The following PTPRM variants were observed in gnomAD, a reference collection of about 807,000 sequenced individuals.
PTPRM encodes the protein protein tyrosine phosphatase receptor type M, also known as receptor-type tyrosine-protein phosphatase mu.
Under a neutral mutation model 186.7 loss-of-function variants are expected in PTPRM, and 47 were observed. The ratio of observed to expected loss-of-function variants is 0.25; its 90% confidence interval spans 0.20 to 0.32. The LOEUF (loss-of-function observed/expected upper bound fraction) is 0.32, where lower values mean the gene tolerates loss of function less well. PTPRM is among the 10% of genes least tolerant of loss of function. The pLI, the probability that PTPRM is intolerant of heterozygous loss-of-function variation, is 1.00. For missense variants in PTPRM, 1,494 were observed against 1,865.0 expected (o/e 0.80, Z 3.66); for synonymous variants, 668 against 674.9 (o/e 0.99, Z 0.16).
At chr18:7,632,287 A>G (rs1303616473) in intron 1 of PTPRM, among the ~76,000 whole-genome samples, 1 of 152,202 alleles carries the variant, frequency 6.6e-6, no homozygotes, top group African/African-American at 2.4e-5. Flanking sequence ...TAGACATTTT[A>G]TATGTAAAGA....
intron 8 of PTPRM, among the ~76,000 whole-genome samples, chr18:8,070,340 G>A (rs899229356): frequency 2.0e-5 from 3 of 151,756 alleles, no homozygotes; most frequent in East Asian, 3.9e-4. Context: ...TGTTGTTTTG[G>A]GTATTAGATT....
At chr18:8,319,125 C>T (rs1295689581) in intron 21 of PTPRM, 53 bp from the exon 22 acceptor site, 4 of 1,227,346 alleles carry the variant, frequency 3.3e-6, no homozygotes, top group Non-Finnish European at 4.7e-6. Flanking sequence ...TGCGACTTAT[C>T]TGCTGTTTAT....
intron 2 of PTPRM, among the ~76,000 whole-genome samples, chr18:7,887,765 A>G (rs1267485805): frequency 6.6e-6 from 1 of 152,192 alleles, no homozygotes; most frequent in Non-Finnish European, 1.5e-5. Context: ...CATTTTAAAT[A>G]TGGAATTTTA....
intron 4 of PTPRM, among the ~76,000 whole-genome samples, chr18:7,907,752 A>ATGTGTGTGTGTG (rs112103046): frequency 6.7e-6 from 1 of 149,668 alleles, no homozygotes; most frequent in African/African-American, 2.4e-5. Flanking sequence ...AACACCGCAA[A>ATGTGTGTGTGTG]TGTGTGTGTG....
chr18:7,906,171 C>T (rs780354457), intron 3 of PTPRM, among the ~76,000 whole-genome samples: 17 of 152,124 alleles, frequency 1.1e-4, no homozygotes, highest in South Asian at 2.1e-4. Flanking sequence ...AACAAGTTGC[C>T]GTCTGTGCCA....
At chr18:7,578,332 A>ATT (rs34096793) in intron 1 of PTPRM, among the ~76,000 whole-genome samples, 13 of 121,508 alleles carry the variant, frequency 1.1e-4, no homozygotes, top group South Asian at 5.7e-4. Context: ...TGGCTAATTA[A>ATT]TTTTTTTTTT....
chr18:7,788,319 T>C (rs947119456), intron 2 of PTPRM, among the ~76,000 whole-genome samples: 1 of 152,190 alleles, frequency 6.6e-6, no homozygotes. Flanking sequence ...CATAAAATTA[T>C]ATTGTATGAA....
intron 3 of PTPRM, among the ~76,000 whole-genome samples, chr18:7,889,612 T>G (rs560405319): frequency 6.6e-6 from 1 of 152,314 alleles, no homozygotes; most frequent in East Asian, 1.9e-4. Flanking sequence ...GTGCTAGAAT[T>G]ACAGGCATGA....
At chr18:8,150,054 C>G (rs1196297891) in intron 14 of PTPRM, among the ~76,000 whole-genome samples, 2 of 152,136 alleles carry the variant, frequency 1.3e-5, no homozygotes, top group Non-Finnish European at 2.9e-5. Context: ...AGTAATCTGA[C>G]CTTTCTCTCT....
chr18:7,984,602 T>TATATACACACACAC (rs1214502563), intron 7 of PTPRM, among the ~76,000 whole-genome samples: 3 of 87,196 alleles, frequency 3.4e-5, no homozygotes, highest in Admixed American at 1.4e-4. Flanking sequence ...TATATATATA[T>TATATACACACACAC]ACACACACAC....
chr18:8,015,361 A>G (rs1453298553), intron 7 of PTPRM, among the ~76,000 whole-genome samples: 2 of 152,214 alleles, frequency 1.3e-5, no homozygotes, highest in African/African-American at 2.4e-5. Context: ...TATTTTAAAG[A>G]TGACAAAAAC....
chr18:7,988,743 C>T (rs542561702), intron 7 of PTPRM, among the ~76,000 whole-genome samples: 198 of 152,224 alleles, frequency 1.3e-3, no homozygotes, highest in Non-Finnish European at 1.9e-3. Flanking sequence ...ATTAAAATTT[C>T]CTTACTTTTA....
chr18:8,075,211 AG>A (rs1168371557), intron 8 of PTPRM, among the ~76,000 whole-genome samples: 1 of 152,104 alleles, frequency 6.6e-6, no homozygotes, highest in East Asian at 1.9e-4. Flanking sequence ...TGCAACTGTA[AG>A]GGTTTCTTGA....
chr18:7,622,854 G>A (rs1462779863), intron 1 of PTPRM, among the ~76,000 whole-genome samples: 1 of 152,168 alleles, frequency 6.6e-6, no homozygotes, highest in Non-Finnish European at 1.5e-5. Flanking sequence ...TTGTGTATGT[G>A]TCTGTTGAGG....
intron 5 of PTPRM, among the ~76,000 whole-genome samples, chr18:7,937,744 A>T (rs1398506323): frequency 6.6e-6 from 1 of 152,232 alleles, no homozygotes; most frequent in Non-Finnish European, 1.5e-5. Context: ...ACTTACTGTC[A>T]TCACCTAAAA....
At chr18:7,879,616 G>T (rs766900103) in intron 2 of PTPRM, among the ~76,000 whole-genome samples, 3 of 152,132 alleles carry the variant, frequency 2.0e-5, no homozygotes, top group Non-Finnish European at 2.9e-5. Context: ...GTTCAGTTGT[G>T]CTGTGAATCA....
chr18:7,907,333 A>C (rs571546180), intron 4 of PTPRM, among the ~76,000 whole-genome samples: 3 of 152,182 alleles, frequency 2.0e-5, no homozygotes. Flanking sequence ...GAAGCAGAAA[A>C]GGCATCCTGT....
chr18:7,995,296 C>T (rs958028126), intron 7 of PTPRM, among the ~76,000 whole-genome samples: 1 of 152,078 alleles, frequency 6.6e-6, no homozygotes. Context: ...AGCCTCCCAA[C>T]AAAGAAAAGC....
rs150054716 is a variant in PTPRM, at chr18:7,673,617, A to C, written c.74-100532A>C. On this transcript the variant is annotated intron_variant, in intron 1 of 32. Coordinates refer to ENST00000580170, the MANE Select transcript of PTPRM (RefSeq NM_001105244.2). ...GATTTCTGTGAAGATGATACATAGG[A>C]GAGACAAAGGCTTATTCATCACATA... Among the ~76,000 whole-genome samples, 487 of 152,360 alleles carry C rather than the reference A, an allele frequency of 3.2e-3. 3 individuals are homozygous for C. Among genetic ancestry groups the C allele is most frequent in the African/African-American group, 0.011 (466 of 41,584 alleles).
Sources: gnomAD v4.1 joint callset for allele counts (sites outside exome capture counted in the v4.1 genomes callset) on GRCh38, gnomAD v4.1.1 for gene constraint, MANE v1.5 for transcripts, NCBI Gene and HGNC (gene_info 2026-07-23, HGNC 2026-07-21) for gene names.